CMTM4: variants seen among roughly 807,000 people sequenced by gnomAD.
The protein encoded by CMTM4 is CKLF like MARVEL transmembrane domain containing 4.
A neutral mutation model predicts 19.0 loss-of-function variants in CMTM4; 8 were observed. The observed-to-expected ratio is 0.42, with a 90% confidence interval of 0.25 to 0.76. CMTM4 has a LOEUF of 0.76. Among genes scored for constraint, CMTM4 ranks in the 30% least tolerant of loss-of-function variants. The pLI is 0.27. For missense variants in CMTM4, 228 were observed against 290.2 expected (o/e 0.79, Z 1.56); for synonymous variants, 106 against 121.1 (o/e 0.88, Z 0.82).
At chr16:66,674,659 C>T (rs916285617) in intron 1 of CMTM4, among the ~76,000 whole-genome samples, 2 of 151,600 alleles carry the variant, frequency 1.3e-5, no homozygotes, top group Admixed American at 6.6e-5. Flanking sequence ...GTGTTCATTC[C>T]GTCATTTGGT....
chr16:66,605,506 C>G, the CMTM4 span: 2 of 152,610 alleles, frequency 1.3e-5, no homozygotes, highest in East Asian at 1.9e-4. This position sits in a 1 kb window ranked among gnomAD's most constrained non-coding sequence, Gnocchi z 4.6. Flanking sequence ...TCGCCCCCAC[C>G]CCGGCCGGTG....
chr16:66,611,794 C>G (rs536894084), downstream of CMTM4, among the ~76,000 whole-genome samples: 1 of 151,968 alleles, frequency 6.6e-6, no homozygotes, highest in Non-Finnish European at 1.5e-5. Flanking sequence ...CATAGGCAGG[C>G]CCTTACCATT....
chr16:66,645,041 T>C (rs1370904515), intron 1 of CMTM4, among the ~76,000 whole-genome samples: 2 of 152,164 alleles, frequency 1.3e-5, no homozygotes, highest in African/African-American at 4.8e-5. Flanking sequence ...CCCAGCACTT[T>C]GGGAGGCCAA....
At position 66,664,652 on chromosome 16, in the gene CMTM4, T is replaced by TA. The variant is rs60883047; in HGVS notation, c.187-28072dup. ...TAATGTAATTCGTAGACCAAACACTTAAAAAAAAAACTATATAAAGAGATA... is the reference window on the plus strand; with the variant it reads ...TAATGTAATTCGTAGACCAAACACTTAAAAAAAAAAACTATATAAAGAGATA... On this transcript the variant is annotated intron_variant, in intron 1 of 3. Coordinates refer to ENST00000394106, the MANE Select transcript of CMTM4 (RefSeq NM_181521.3). Among the ~76,000 whole-genome samples the TA allele has an allele frequency of 1.3e-3, 194 of 147,894 alleles. 2 individuals are homozygous for TA. The South Asian group carries it at 0.018, about 14-fold the overall frequency.
At position 66,621,137 on chromosome 16, in the gene CMTM4, A is replaced by G. The variant is rs2015626456; in HGVS notation, c.*921T>C. Reference sequence around the variant, plus strand: ...TTAGAAAATTAGCACACATCCCTAAAATAGAGGGGTGTGTGTGTGCATGTG... The same window carrying G: ...TTAGAAAATTAGCACACATCCCTAAGATAGAGGGGTGTGTGTGTGCATGTG... On this transcript the variant is annotated 3_prime_UTR_variant, in exon 4 of 4. Coordinates refer to ENST00000394106, the MANE Select transcript of CMTM4 (RefSeq NM_181521.3). 1.0e-6 allele frequency: 1 copy of G among 985,822 alleles called. No individual in the cohort carries two copies. The highest frequency in any genetic ancestry group is 6.1e-5 in the Admixed American group (1 of 16,290). The allele number at this position is 985,822 out of a possible 1,614,324, so 61.1% of individuals were successfully genotyped here.
intron 1 of CMTM4, among the ~76,000 whole-genome samples, chr16:66,662,964 A>G (rs901273906): frequency 1.3e-5 from 2 of 152,228 alleles, no homozygotes; most frequent in Middle Eastern, 3.2e-3. Flanking sequence ...AGAATGAACT[A>G]TGGGATAGCT....
intron 1 of CMTM4, among the ~76,000 whole-genome samples, chr16:66,668,395 A>G (rs767026876): frequency 6.6e-6 from 1 of 152,132 alleles, no homozygotes; most frequent in Non-Finnish European, 1.5e-5. Context: ...TGTTTTGTAG[A>G]GTTGCTATGA....
At chr16:66,671,534 C>T (rs1396586715) in intron 1 of CMTM4, among the ~76,000 whole-genome samples, 1 of 152,192 alleles carries the variant, frequency 6.6e-6, no homozygotes, top group African/African-American at 2.4e-5. Context: ...ACTAACCATT[C>T]CATTCTCATC....
At chr16:66,647,729 G>T (rs899802889) in intron 1 of CMTM4, among the ~76,000 whole-genome samples, 30 of 152,008 alleles carry the variant, frequency 2.0e-4, no homozygotes, top group African/African-American at 7.3e-4. Flanking sequence ...AAAAAAATGA[G>T]TCTCACTATG....
chr16:66,683,149 A>ATACG (rs1555502487), intron 1 of CMTM4, among the ~76,000 whole-genome samples: 3 of 127,258 alleles, frequency 2.4e-5, no homozygotes, highest in Non-Finnish European at 4.8e-5. Flanking sequence ...ATATATATGT[A>ATACG]TATATATATA....
rs183439337 is a variant in CMTM4, at chr16:66,619,611, T to A, written c.*2447A>T. 1 of 985,248 alleles carries A rather than the reference T, an allele frequency of 1.0e-6. No individual in the cohort carries two copies. The highest frequency in any genetic ancestry group is 1.2e-6 in the Non-Finnish European group (1 of 829,924). The allele number at this position is 985,248 out of a possible 1,614,324, so 61.0% of individuals were successfully genotyped here. A position where few individuals can be genotyped will look rare whatever the true frequency, so the allele number is the denominator to read the frequency against. On this transcript the variant is annotated 3_prime_UTR_variant, in exon 4 of 4. Transcript: ENST00000394106. ...ATATAGAGGCAATATAAGAAAAATA[T>A]AGGCGTCTTCATATTCACCTTGGAT...
rs1016556116 is a variant in CMTM4 at position 66,621,613 on chromosome 16, C to T, written c.*445G>A. 8.0e-6 allele frequency: 8 copies of T among 995,112 alleles called. No individual in the cohort carries two copies. Among genetic ancestry groups the T allele is most frequent in the African/African-American group, 5.2e-5 (3 of 57,632 alleles). The allele number at this position is 995,112 out of a possible 1,614,324, so 61.6% of individuals were successfully genotyped here. On this transcript the variant is annotated 3_prime_UTR_variant, in exon 4 of 4. Coordinates refer to ENST00000394106, the MANE Select transcript of CMTM4 (RefSeq NM_181521.3). The stretch of plus-strand genomic sequence containing the variant: ...ATGAGGAGTGGGCTGGATCCCAGCA[C>T]GCAGACTCAACACTGACTTGGAGCA...
At chr16:66,672,127 C>T (rs1365084740) in intron 1 of CMTM4, among the ~76,000 whole-genome samples, 1 of 152,078 alleles carries the variant, frequency 6.6e-6, no homozygotes, top group East Asian at 1.9e-4. Flanking sequence ...AAAGTAATGA[C>T]CAGGCCGGGC....
intron 1 of CMTM4, among the ~76,000 whole-genome samples, chr16:66,692,235 C>T (rs956524319): frequency 6.6e-6 from 1 of 152,096 alleles, no homozygotes; most frequent in African/African-American, 2.4e-5. Context: ...GGATTACAGG[C>T]ACTCGCTATA....
chr16:66,632,333 T>C (rs1027793462), intron 2 of CMTM4, among the ~76,000 whole-genome samples: 3 of 151,932 alleles, frequency 2.0e-5, no homozygotes, highest in African/African-American at 7.3e-5. Context: ...GGGCTGAAGA[T>C]GAATTGCGGA....
intron 1 of CMTM4, 24 bp from the exon 2 acceptor site, chr16:66,636,605 T>C (rs1448603919): frequency 1.0e-5 from 16 of 1,587,682 alleles, no homozygotes; most frequent in Admixed American, 8.4e-5. Flanking sequence ...TGGAAACATA[T>C]ATGTACGTAT....
chr16:66,623,373 C>A (rs1395920763), intron 3 of CMTM4, 31 bp downstream of exon 3: 2 of 1,560,156 alleles, frequency 1.3e-6, no homozygotes, highest in South Asian at 1.1e-5. Context: ...GTCCCCAGAT[C>A]AGCTTGCTTT....
In CMTM4 at chr16:66,615,150, C is replaced by T. The variant is rs866783158; in HGVS notation, c.*6908G>A. On this transcript the variant is annotated 3_prime_UTR_variant, in exon 4 of 4. Coordinates refer to ENST00000394106, the MANE Select transcript of CMTM4 (RefSeq NM_181521.3). The surrounding 1 kb of genome is among the most constrained non-coding windows in gnomAD (Gnocchi z 4.9). Reference sequence around the variant, plus strand: ...GCCCACAGTTGTGTCTTTAAACTGCCGAAATGAAAGAGACTTGATGAGTAA... The same window carrying T: ...GCCCACAGTTGTGTCTTTAAACTGCTGAAATGAAAGAGACTTGATGAGTAA... The T allele has an allele frequency of 6.6e-6, 1 of 152,174 alleles. No homozygotes were observed. The highest frequency in any genetic ancestry group is 1.5e-5 in the Non-Finnish European group (1 of 68,034). 9.4% of individuals were successfully genotyped at this position (152,174 alleles called of 1,614,324 possible).
intron 1 of CMTM4, among the ~76,000 whole-genome samples, chr16:66,650,705 G>A (rs918507404): frequency 1.3e-5 from 2 of 152,040 alleles, no homozygotes; most frequent in African/African-American, 2.4e-5. Context: ...TCTTCCCCCC[G>A]CACACCTCTT....
Sources: gnomAD v4.1 joint callset for allele counts (sites outside exome capture counted in the v4.1 genomes callset) on GRCh38, gnomAD v4.1.1 for gene constraint, Gnocchi (gnomAD v3.1) non-coding constraint, MANE v1.5 for transcripts, NCBI Gene and HGNC (gene_info 2026-07-23, HGNC 2026-07-21) for gene names.